The following THEM4 variants were observed in gnomAD, a reference collection of about 807,000 sequenced individuals.
THEM4 encodes the protein acyl-coenzyme A thioesterase THEM4.
THEM4 carries 22 observed loss-of-function variants against 25.0 expected under a neutral mutation model. The observed-to-expected ratio is 0.88, with a 90% CI of 0.63 to 1.26. The LOEUF is 1.26. Ranked by LOEUF, THEM4 falls within the 50% of genes most tolerant of loss-of-function variation. The probability of loss-of-function intolerance (pLI) is 0.00; values close to 1 mark genes in which losing one functional copy is unlikely to be tolerated. For synonymous variants in THEM4, 113 were observed against 105.6 expected (o/e 1.07, Z -0.43); for missense variants, 286 against 300.3 (o/e 0.95, Z 0.35).
intron 4 of THEM4, among the ~76,000 whole-genome samples, chr1:151,881,163 AATTTTT>A (rs1241655444): frequency 1.3e-5 from 2 of 151,800 alleles, no homozygotes; most frequent in Non-Finnish European, 2.9e-5. Context: ...ATTTATTGTA[AATTTTT>A]ATTTTTATTA....
intron 4 of THEM4, among the ~76,000 whole-genome samples, chr1:151,883,710 T>C (rs963014276): frequency 2.5e-4 from 37 of 150,716 alleles, no homozygotes; most frequent in Non-Finnish European, 3.8e-4. Context: ...TCTCGGCTCA[T>C]TGCAACCTCC....
intron 4 of THEM4, among the ~76,000 whole-genome samples, chr1:151,881,002 ATTAG>A (rs1314044916): frequency 9.2e-5 from 14 of 152,076 alleles, no homozygotes; most frequent in Admixed American, 2.6e-4. Flanking sequence ...TGTTTTAGAT[ATTAG>A]TTATACACTC....
chr1:151,894,933 T>C, intron 2 of THEM4, 75 bp downstream of exon 2: 2 of 1,446,188 alleles, frequency 1.4e-6, no homozygotes, highest in Non-Finnish European at 1.9e-6. Flanking sequence ...TTTCAGGTAG[T>C]AACTAGTACT....
At chr1:151,897,831 G>C (rs947337170) in intron 1 of THEM4, among the ~76,000 whole-genome samples, 3 of 152,174 alleles carry the variant, frequency 2.0e-5, no homozygotes, top group Non-Finnish European at 4.4e-5. Context: ...TACTGGAGAA[G>C]CTGGTCTGTC....
chr1:151,908,345 C>T (rs558598333), intron 1 of THEM4, among the ~76,000 whole-genome samples: 2 of 152,326 alleles, frequency 1.3e-5, no homozygotes, highest in South Asian at 2.1e-4. Context: ...TCTTGTTTTA[C>T]GTCCTTGGGG....
intron 4 of THEM4, among the ~76,000 whole-genome samples, chr1:151,878,709 A>C (rs1428007291): frequency 6.6e-6 from 1 of 152,214 alleles, no homozygotes; most frequent in Non-Finnish European, 1.5e-5. Context: ...TAATTTTCTA[A>C]ATGTAACTAA....
chr1:151,886,061 C>T (rs1037990026), intron 4 of THEM4, among the ~76,000 whole-genome samples: 1 of 151,952 alleles, frequency 6.6e-6, no homozygotes, highest in Non-Finnish European at 1.5e-5. Context: ...TTATAAAATC[C>T]AATACTTTAT....
intron 4 of THEM4, among the ~76,000 whole-genome samples, 166 bp downstream of exon 4, chr1:151,888,107 G>A (rs1572076810): frequency 6.6e-6 from 1 of 152,330 alleles, no homozygotes; most frequent in East Asian, 1.9e-4. Flanking sequence ...AGCCTTGGTT[G>A]ACACTTCTTC....
chr1:151,909,345 G>A lies in THEM4; in HGVS notation c.99+15C>T, dbSNP rs1481830118. The A allele has an allele frequency of 6.6e-7, 1 of 1,514,002 alleles. No homozygotes were observed. Among genetic ancestry groups the A allele is most frequent in the Non-Finnish European group, 8.8e-7 (1 of 1,136,088 alleles). The allele number at this position is 1,514,002 out of a possible 1,614,324, so 93.8% of individuals were successfully genotyped here. Reference sequence around the variant, plus strand: ...GTCCTGCTCCCGCCCCATGCCCGAGGGTGCCCAGACTCACCAGCTCGGGTC... The same window carrying A: ...GTCCTGCTCCCGCCCCATGCCCGAGAGTGCCCAGACTCACCAGCTCGGGTC... On this transcript the variant is annotated intron_variant, in intron 1 of 5. Coordinates refer to ENST00000368814, the MANE Select transcript of THEM4 (RefSeq NM_053055.5).
At chr1:151,905,754 G>C (rs758324767) in intron 1 of THEM4, among the ~76,000 whole-genome samples, 1 of 152,234 alleles carries the variant, frequency 6.6e-6, no homozygotes, top group African/African-American at 2.4e-5. Context: ...TGAGTTTATA[G>C]ATTCCTGTTT....
intron 1 of THEM4, among the ~76,000 whole-genome samples, chr1:151,905,750 T>C (rs975664479): frequency 6.6e-6 from 1 of 152,244 alleles, no homozygotes; most frequent in Non-Finnish European, 1.5e-5. Flanking sequence ...TTTATGAGTT[T>C]ATAGATTCCT....
chr1:151,879,641 C>G (rs1385512279), intron 4 of THEM4, among the ~76,000 whole-genome samples: 2 of 148,164 alleles, frequency 1.3e-5, no homozygotes, highest in African/African-American at 5.0e-5. Flanking sequence ...TCTCCATTTT[C>G]TTTCTTTCTT....
rs541972314 is a variant in THEM4, at chr1:151,898,604, G to A, written c.100-3410C>T. ...TGCTACAGCTGATGCTTTCTGGAAA[G>A]TGCCACCTCTTGGCAGGAGGCCAAC... On this transcript the variant is annotated intron_variant, in intron 1 of 5. Transcript: ENST00000368814. 1.1e-4 allele frequency among the ~76,000 whole-genome samples: 16 copies of A among 152,370 alleles called. No individual in the cohort carries two copies. In the South Asian group the frequency reaches 2.9e-3, roughly 28 times the overall value.
At chr1:151,909,232 TG>T in intron 1 of THEM4, 127 bp downstream of exon 1, 1 of 711,626 alleles carries the variant, frequency 1.4e-6, no homozygotes, top group Non-Finnish European at 2.2e-6. Flanking sequence ...TGCTGCCCTG[TG>T]GTGCCCAGGT....
intron 2 of THEM4, among the ~76,000 whole-genome samples, chr1:151,893,892 C>G (rs1654153380): frequency 6.6e-6 from 1 of 151,370 alleles, no homozygotes; most frequent in African/African-American, 2.4e-5. Context: ...GACAGTCTCA[C>G]TCTGTTGCCC....
chr1:151,896,719 A>G (rs979994806), intron 1 of THEM4, among the ~76,000 whole-genome samples: 20 of 152,200 alleles, frequency 1.3e-4, no homozygotes, highest in Non-Finnish European at 2.9e-4. Flanking sequence ...AATATAAAAG[A>G]TAGTGGGAGT....
chr1:151,899,352 A>G (rs1654298678), intron 1 of THEM4, among the ~76,000 whole-genome samples: 1 of 152,024 alleles, frequency 6.6e-6, no homozygotes, highest in Non-Finnish European at 1.5e-5. Context: ...TTAGCTGGGC[A>G]TGGTGGCACA....
At position 151,897,271 on chromosome 1, in the gene THEM4, C is replaced by T. The variant is rs574765431; in HGVS notation, c.100-2077G>A. Among the ~76,000 whole-genome samples, 9 of 152,352 alleles carry T rather than the reference C, an allele frequency of 5.9e-5. No individual in the cohort carries two copies. The South Asian group carries it at 1.7e-3, about 28-fold the overall frequency. On this transcript the variant is annotated intron_variant, in intron 1 of 5. Transcript: ENST00000368814. ...ATGTACCTACAATACACACACTGCACCATAAAACCAAAACGGGGAGGTCAC... is the reference window on the plus strand; with the variant it reads ...ATGTACCTACAATACACACACTGCATCATAAAACCAAAACGGGGAGGTCAC...
chr1:151,894,777 C>A (rs915791120), intron 2 of THEM4: 8 of 612,562 alleles, frequency 1.3e-5, no homozygotes, highest in Non-Finnish European at 2.3e-5. Flanking sequence ...TTCACTCTTG[C>A]TAATGGTGAT....
Sources: allele counts gnomAD v4.1 joint callset (sites outside exome capture counted in the v4.1 genomes callset), GRCh38; gene constraint gnomAD v4.1.1; transcripts MANE v1.5; gene names NCBI Gene and HGNC (gene_info 2026-07-23, HGNC 2026-07-21).